The following MAPK8IP2 variants were observed in gnomAD, a reference collection of about 807,000 sequenced individuals.
The protein encoded by MAPK8IP2 is mitogen-activated protein kinase 8 interacting protein 2.
A neutral mutation model predicts 75.6 loss-of-function variants in MAPK8IP2; 15 were observed. That is an observed-to-expected ratio of 0.20 (90% CI 0.13 to 0.31). The LOEUF (loss-of-function observed/expected upper bound fraction) is 0.31, where lower values mean the gene tolerates loss of function less well. MAPK8IP2 is among the 10% of genes least tolerant of loss of function. The pLI is 1.00. For missense variants in MAPK8IP2, 1,089 were observed against 1,211.2 expected (o/e 0.90, Z 1.50); for synonymous variants, 632 against 554.5 (o/e 1.14, Z -1.96).
chr22:50,610,391 G>A lies in MAPK8IP2; in HGVS notation c.2402+81G>A. On this transcript the variant is annotated intron_variant, in intron 11 of 11. Coordinates refer to ENST00000329492, the MANE Select transcript of MAPK8IP2 (RefSeq NM_012324.6). The surrounding 1 kb of genome is among the most constrained non-coding windows in gnomAD (Gnocchi z 4.3). The stretch of plus-strand genomic sequence containing the variant: ...GAGCGGAGGTGAGCAGGTGGGGGCA[G>A]GAGCCTGGCAGGGGAGGTCTGGGGA... 1 of 1,210,214 alleles carries A rather than the reference G, an allele frequency of 8.3e-7. No homozygotes were observed. Among genetic ancestry groups the A allele is most frequent in the Non-Finnish European group, 1.2e-6 (1 of 843,840 alleles). The allele number at this position is 1,210,214 out of a possible 1,614,324, so 75.0% of individuals were successfully genotyped here.
rs936040461 is a variant in MAPK8IP2 at position 50,607,757 on chromosome 22, G to T, written c.2303+766G>T. Among the ~76,000 whole-genome samples the T allele has an allele frequency of 2.6e-5, 4 of 151,972 alleles. No individual in the cohort carries two copies. Among genetic ancestry groups the T allele is most frequent in the African/African-American group, 9.7e-5 (4 of 41,362 alleles). ...AAACGGTGAGACTGAAGTGGCCGTT[G>T]GTCCCATGGGTCTGGAGTTTAGGAG... is the stretch of plus-strand genomic sequence containing the variant. On this transcript the variant is annotated intron_variant, in intron 10 of 11. Transcript: ENST00000329492. This position sits in a 1 kb window ranked among gnomAD's most constrained non-coding sequence, Gnocchi z 5.6.
chr22:50,601,928 A>C, intron 2 of MAPK8IP2, 34 bp downstream of exon 2: 1 of 1,544,106 alleles, frequency 6.5e-7, no homozygotes, highest in Non-Finnish European at 9.0e-7. Context: ...GATCCAGCTC[A>C]AGGGAGGGCC....
rs1028386124 is a variant in MAPK8IP2 at position 50,612,478 on chromosome 22, C to T, written c.*1699C>T. ...TACATAAACATTAGAAAGTGCTGTC[C>T]GTAAAAAACACGTCTTCACAGAGCC... On this transcript the variant is annotated 3_prime_UTR_variant, in exon 12 of 12. Coordinates refer to ENST00000329492, the MANE Select transcript of MAPK8IP2 (RefSeq NM_012324.6). 1.3e-5 allele frequency: 2 copies of T among 152,068 alleles called. No homozygotes were observed. The highest frequency in any genetic ancestry group is 2.4e-5 in the African/African-American group (1 of 41,388). 9.4% of individuals were successfully genotyped at this position (152,068 alleles called of 1,614,324 possible). A position where few individuals can be genotyped will look rare whatever the true frequency, so the allele number is the denominator to read the frequency against.
intron 5 of MAPK8IP2, 28 bp from the exon 6 acceptor site, chr22:50,605,340 C>T (rs1418317322): frequency 6.2e-7 from 1 of 1,606,772 alleles, no homozygotes; most frequent in Non-Finnish European, 8.5e-7. Context: ...CCCTGTCTCC[C>T]CCGCCTCTGT....
Position 50,612,157 on chromosome 22 carries a change from G to A in MAPK8IP2, c.*1378G>A, listed in dbSNP as rs1277805868. On this transcript the variant is annotated 3_prime_UTR_variant, in exon 12 of 12. Coordinates refer to ENST00000329492, the MANE Select transcript of MAPK8IP2 (RefSeq NM_012324.6). ...ACTGCACTCCAGCCTGGGCGACAGAGGGAGACTCCGTCTCAGAAAAAGGAA... is the reference window on the plus strand; with the variant it reads ...ACTGCACTCCAGCCTGGGCGACAGAAGGAGACTCCGTCTCAGAAAAAGGAA... 1.3e-5 allele frequency: 2 copies of A among 152,242 alleles called. No individual in the cohort carries two copies. The highest frequency in any genetic ancestry group is 4.8e-5 in the African/African-American group (2 of 41,450). The allele number at this position is 152,242 out of a possible 1,614,324, so 9.4% of individuals were successfully genotyped here. A position where few individuals can be genotyped will look rare whatever the true frequency, so the allele number is the denominator to read the frequency against.
chr22:50,607,855 TGAGGGGAG>T lies in MAPK8IP2; in HGVS notation c.2303+877_2303+884del, dbSNP rs1215695985. Among the ~76,000 whole-genome samples the T allele has an allele frequency of 1.4e-5, 2 of 148,048 alleles. No individual in the cohort carries two copies. The highest frequency in any genetic ancestry group is 2.5e-5 in the African/African-American group (1 of 39,842). Reference sequence around the variant, plus strand: ...ACGAGAGGGGAATGGCCAGGCAGGGTGAGGGGAGGAGGGGAGGAGGAGGTGCTGGCATA... The same window carrying T: ...ACGAGAGGGGAATGGCCAGGCAGGGTGAGGGGAGGAGGAGGTGCTGGCATA... On this transcript the variant is annotated intron_variant, in intron 10 of 11. Coordinates refer to ENST00000329492, the MANE Select transcript of MAPK8IP2 (RefSeq NM_012324.6). This position sits in a 1 kb window ranked among gnomAD's most constrained non-coding sequence, Gnocchi z 5.6.
rs1282026058 is a variant in MAPK8IP2, at chr22:50,610,762, G to A, written c.2458G>A (p.Asp820Asn). ...CCTGGCGTACGCCTGCCCCACGGAG[G>A]ACATCTACCTGGAGTAGCCTGCCCA... ...EHLAYACPTE[D>N]IYLE is the part of the protein sequence containing the mutation. The change falls in exon 12 of 12, where the codon GAC becomes AAC. Residue 820 changes from aspartate to asparagine, a missense_variant. By Grantham distance (23) the Asp-to-Asn change is conservative. Around this residue, in one of 2 missense-constraint regions of MAPK8IP2, gnomAD observed 129 missense variants for 201.7 expected, o/e 0.64. Coordinates refer to ENST00000329492, the MANE Select transcript of MAPK8IP2 (RefSeq NM_012324.6). The surrounding 1 kb of genome is among the most constrained non-coding windows in gnomAD (Gnocchi z 4.3). 1 of 1,610,484 alleles carries A rather than the reference G, an allele frequency of 6.2e-7. No individual in the cohort carries two copies. Among genetic ancestry groups the A allele is most frequent in the Non-Finnish European group, 8.5e-7 (1 of 1,178,792 alleles).
At position 50,607,502 on chromosome 22, in the gene MAPK8IP2, A is replaced by C. The variant is rs1282440052; in HGVS notation, c.2303+511A>C. 2.0e-5 allele frequency among the ~76,000 whole-genome samples: 3 copies of C among 152,066 alleles called. 1 individual carries two copies. In the South Asian group the frequency reaches 6.2e-4, roughly 32 times the overall value. ...ATCTTGCTGGTAATGAGGCCATAGA[A>C]GGCTCCTAATGGAAGGAGGTGACAC... is the stretch of plus-strand genomic sequence containing the variant. On this transcript the variant is annotated intron_variant, in intron 10 of 11. Coordinates refer to ENST00000329492, the MANE Select transcript of MAPK8IP2 (RefSeq NM_012324.6). This position sits in a 1 kb window ranked among gnomAD's most constrained non-coding sequence, Gnocchi z 5.6.
At position 50,605,214 on chromosome 22, in the gene MAPK8IP2, G is replaced by A. The variant is rs8135695; in HGVS notation, c.1765+150G>A. ...CCCTCTCCCACCCAGGACATGGCAT[G>A]AGGTGGCCTGCTCTGCCTCAGCTCC... On this transcript the variant is annotated intron_variant, in intron 5 of 11. Transcript: ENST00000329492. 877 of 1,119,932 alleles carry A rather than the reference G, an allele frequency of 7.8e-4. 5 individuals are homozygous for A. In the African/African-American group the frequency reaches 0.013, roughly 16 times the overall value. 69.4% of individuals were successfully genotyped at this position (1,119,932 alleles called of 1,614,324 possible).
Position 50,607,055 on chromosome 22 carries a change from C to A in MAPK8IP2, c.2303+64C>A. On this transcript the variant is annotated intron_variant, in intron 10 of 11. Transcript: ENST00000329492. This position sits in a 1 kb window ranked among gnomAD's most constrained non-coding sequence, Gnocchi z 5.6. Reference sequence around the variant, plus strand: ...CACAAACCCTGAGAGTCCAACCGCCCCCTGAGTCCCCACAGACCCTGAGGG... The same window carrying A: ...CACAAACCCTGAGAGTCCAACCGCCACCTGAGTCCCCACAGACCCTGAGGG... 7.7e-7 allele frequency: 1 copy of A among 1,292,472 alleles called. No individual in the cohort carries two copies. The highest frequency in any genetic ancestry group is 1.1e-6 in the Non-Finnish European group (1 of 889,330). 80.1% of individuals were successfully genotyped at this position (1,292,472 alleles called of 1,614,324 possible).
At chr22:50,606,895 G>C (rs1305973224) in intron 9 of MAPK8IP2, 26 bp from the exon 10 acceptor site, 1 of 1,612,322 alleles carries the variant, frequency 6.2e-7, no homozygotes, top group East Asian at 2.2e-5. Context: ...CTTTGACACA[G>C]GGACTTCTGC....
Position 50,605,843 on chromosome 22 carries a change from G to A in MAPK8IP2, c.2033G>A (p.Cys678Tyr). 1 of 1,586,934 alleles carries A rather than the reference G, an allele frequency of 6.3e-7. No homozygotes were observed. ...TCCCCAGGGAGTAAGCGGAGCCCCTGCTGGGTGGAGCGCTTTGACGTGCAG... is the reference window on the plus strand; with the variant it reads ...TCCCCAGGGAGTAAGCGGAGCCCCTACTGGGTGGAGCGCTTTGACGTGCAG... ...KDLLGSKRSP[C>Y]WVERFDVQFL... is the part of the protein sequence containing the mutation. The change falls in exon 8 of 12, where the codon TGC becomes TAC. Residue 678 changes from cysteine to tyrosine, a missense_variant. Physicochemically the swap from Cys to Tyr is radical, Grantham distance 194. Coordinates refer to ENST00000329492, the MANE Select transcript of MAPK8IP2 (RefSeq NM_012324.6).
rs562239236 is a variant in MAPK8IP2, at chr22:50,604,682, A to G, written c.1383A>G (p.Arg461=). 3.3e-4 allele frequency: 505 copies of G among 1,525,054 alleles called. No homozygotes were observed. The highest frequency in any genetic ancestry group is 6.1e-4 in the Middle Eastern group (3 of 4,884). 94.5% of individuals were successfully genotyped at this position (1,525,054 alleles called of 1,614,324 possible). A position where few individuals can be genotyped will look rare whatever the true frequency, so the allele number is the denominator to read the frequency against. Residue 461 remains arginine, a synonymous_variant, in exon 5 of 12, where the codon CGA becomes CGG. Coordinates refer to ENST00000329492, the MANE Select transcript of MAPK8IP2 (RefSeq NM_012324.6). Reference sequence around the variant, plus strand: ...CCGGCCGCGCCGCCCGCCCGGGACGAGCCTGCTCCGCCGCCTGCTCCGAGG... The same window carrying G: ...CCGGCCGCGCCGCCCGCCCGGGACGGGCCTGCTCCGCCGCCTGCTCCGAGG... ...AAPGRAARPG[R]ACSAACSEEE... is the part of the protein sequence containing the mutation.
rs774660473 is a variant in MAPK8IP2, at chr22:50,604,190, C to G, written c.891C>G (p.Ile297Met). 1.3e-6 allele frequency: 2 copies of G among 1,546,304 alleles called. No individual in the cohort carries two copies. The highest frequency in any genetic ancestry group is 2.1e-4 in the Middle Eastern group (1 of 4,718). The change falls in exon 5 of 12, where the codon ATC (isoleucine) becomes ATG (methionine). Residue 297 changes from isoleucine (I) to methionine (M), a missense_variant. Around this residue, in one of 2 missense-constraint regions of MAPK8IP2, gnomAD observed 960 missense variants for 1,009.6 expected, o/e 0.95. Coordinates refer to ENST00000329492, the MANE Select transcript of MAPK8IP2 (RefSeq NM_012324.6). ...SGRSSHLTNS[I>M]EEASSPASEP... ...GCTCCTCGCACCTCACCAACTCCAT[C>G]GAGGAGGCCTCGTCGCCCGCCTCGG... is the stretch of plus-strand genomic sequence containing the variant.
At chr22:50,605,332 C>G in intron 5 of MAPK8IP2, 36 bp from the exon 6 acceptor site, 1 of 1,596,214 alleles carries the variant, frequency 6.3e-7, no homozygotes, top group East Asian at 2.2e-5. Context: ...CTCTGTCTCC[C>G]TGTCTCCCCC....
chr22:50,601,545 A>C, intron 1 of MAPK8IP2: 1 of 428,464 alleles, frequency 2.3e-6, no homozygotes, highest in Non-Finnish European at 4.2e-6. Context: ...CTCTCCAGGG[A>C]GGCGGGGTGG....
chr22:50,606,821 G>A (rs2071060186), intron 9 of MAPK8IP2, 56 bp downstream of exon 9: 2 of 1,594,494 alleles, frequency 1.3e-6, no homozygotes, highest in Non-Finnish European at 1.7e-6. Context: ...AGGCCACGGA[G>A]TCCGACGGGG....
At position 50,607,062 on chromosome 22, in the gene MAPK8IP2, T is replaced by G; in HGVS notation, c.2303+71T>G. 3 of 1,251,526 alleles carry G rather than the reference T, an allele frequency of 2.4e-6. No homozygotes were observed. The highest frequency in any genetic ancestry group is 3.5e-6 in the Non-Finnish European group (3 of 853,944). 77.5% of individuals were successfully genotyped at this position (1,251,526 alleles called of 1,614,324 possible). A position where few individuals can be genotyped will look rare whatever the true frequency, so the allele number is the denominator to read the frequency against. On this transcript the variant is annotated intron_variant, in intron 10 of 11. Transcript: ENST00000329492. The surrounding 1 kb of genome is among the most constrained non-coding windows in gnomAD (Gnocchi z 5.6). Reference sequence around the variant, plus strand: ...CCTGAGAGTCCAACCGCCCCCTGAGTCCCCACAGACCCTGAGGGCTGCCCG... The same window carrying G: ...CCTGAGAGTCCAACCGCCCCCTGAGGCCCCACAGACCCTGAGGGCTGCCCG...
Position 50,604,235 on chromosome 22 carries a change from A to G in MAPK8IP2, c.936A>G (p.Glu312=). The part of the protein sequence containing the change: ...SPASEPEPPR[E]PPRRPAFLPV... ...CCTCGGAGCCGGAGCCCCCGCGCGAACCCCCGCGCCGCCCCGCCTTCCTGC... is the reference window on the plus strand; with the variant it reads ...CCTCGGAGCCGGAGCCCCCGCGCGAGCCCCCGCGCCGCCCCGCCTTCCTGC... Residue 312 remains glutamate, a synonymous_variant, in exon 5 of 12, where the codon GAA becomes GAG. Transcript: ENST00000329492. 1 of 1,556,730 alleles carries G rather than the reference A, an allele frequency of 6.4e-7. No homozygotes were observed. The highest frequency in any genetic ancestry group is 8.6e-7 in the Non-Finnish European group (1 of 1,160,228).
Sources: allele counts gnomAD v4.1 joint callset (sites outside exome capture counted in the v4.1 genomes callset), GRCh38; gene constraint gnomAD v4.1.1; regional missense constraint gnomAD v4.1.1; non-coding constraint Gnocchi (gnomAD v3.1); transcripts MANE v1.5; gene names NCBI Gene and HGNC (gene_info 2026-07-23, HGNC 2026-07-21).